Variants in FLT1 observed in about 807,000 individuals in gnomAD.
The protein encoded by FLT1 is vascular endothelial growth factor receptor 1.
Under a neutral mutation model 156.3 loss-of-function variants are expected in FLT1, and 49 were observed. The ratio of observed to expected loss-of-function variants is 0.31; its 90% CI spans 0.25 to 0.40. The LOEUF is 0.40. Ranked by LOEUF, FLT1 falls within the 10% of genes least tolerant of loss-of-function variation. The pLI, the probability that FLT1 is intolerant of heterozygous loss-of-function variation, is 1.00. For missense variants in FLT1, 1,322 were observed against 1,637.2 expected (o/e 0.81, Z 3.32); for synonymous variants, 594 against 583.8 (o/e 1.02, Z -0.25).
intron 13 of FLT1, chr13:28,387,933 C>G (rs1874466801): frequency 1.0e-5 from 11 of 1,061,290 alleles, no homozygotes; most frequent in Non-Finnish European, 1.3e-5. Context: ...TAACATCCTC[C>G]CCTCCCCACA....
At chr13:28,306,854 C>A (rs1228407627) in intron 28 of FLT1, 82 bp from the exon 29 acceptor site, 1 of 882,206 alleles carries the variant, frequency 1.1e-6, no homozygotes, top group African/African-American at 1.6e-5. Flanking sequence ...TCCTGGGATA[C>A]ATCTGTTGAT....
chr13:28,318,518 G>T (rs1294833387), intron 24 of FLT1, among the ~76,000 whole-genome samples: 1 of 152,154 alleles, frequency 6.6e-6, no homozygotes, highest in Admixed American at 6.5e-5. Flanking sequence ...TTGTTTGTGT[G>T]CATTTTCTAG....
intron 13 of FLT1, chr13:28,386,065 C>T: frequency 9.5e-7 from 1 of 1,054,528 alleles, no homozygotes; most frequent in Non-Finnish European, 1.1e-6. Context: ...GACACGTTCT[C>T]TGTCACTGTC....
At chr13:28,465,839 A>AATAC (rs1879817975) in intron 3 of FLT1, among the ~76,000 whole-genome samples, 1 of 151,906 alleles carries the variant, frequency 6.6e-6, no homozygotes, top group Non-Finnish European at 1.5e-5. Context: ...CCATCTCAAA[A>AATAC]AAACAAACAA....
chr13:28,410,478 T>C (rs199671822), intron 10 of FLT1, among the ~76,000 whole-genome samples: 1 of 152,260 alleles, frequency 6.6e-6, no homozygotes, highest in Non-Finnish European at 1.5e-5. Context: ...CAATCCAGTA[T>C]AAAATTCTCA....
chr13:28,388,985 A>C (rs1874535720), intron 13 of FLT1: 2 of 1,065,120 alleles, frequency 1.9e-6, no homozygotes, highest in Non-Finnish European at 1.1e-6. Flanking sequence ...CACTAACTGC[A>C]TAATTACCTG....
chr13:28,357,238 C>G (rs1872929326), intron 15 of FLT1, among the ~76,000 whole-genome samples: 1 of 152,062 alleles, frequency 6.6e-6, no homozygotes, highest in South Asian at 2.1e-4. Flanking sequence ...CAGGTGTGGA[C>G]TACTCTGGCC....
At chr13:28,412,330 TTTTCTTTCTTTCTTTCTTTC>T (rs1555236468) in intron 10 of FLT1, among the ~76,000 whole-genome samples, 1 of 92,556 alleles carries the variant, frequency 1.1e-5, no homozygotes. Flanking sequence ...TCTTTCTTTC[TTTTCTTTCTTTCTTTCTTTC>T]TCTTTCTTTC....
chr13:28,479,875 AC>A (rs1209994320), intron 1 of FLT1, among the ~76,000 whole-genome samples: 4 of 152,358 alleles, frequency 2.6e-5, no homozygotes, highest in African/African-American at 9.6e-5. Flanking sequence ...AAGAAAAACA[AC>A]AATTTCTGTT....
At chr13:28,493,895 G>GT (rs2137681405) in intron 1 of FLT1, among the ~76,000 whole-genome samples, 1 of 152,346 alleles carries the variant, frequency 6.6e-6, no homozygotes, top group South Asian at 2.1e-4. Flanking sequence ...AAACCACATC[G>GT]TTTGGTCAAA....
At chr13:28,376,416 A>T (rs1873841801) in intron 14 of FLT1, among the ~76,000 whole-genome samples, 1 of 152,226 alleles carries the variant, frequency 6.6e-6, no homozygotes, top group African/African-American at 2.4e-5. Context: ...CTATCATAAA[A>T]ATTTAGCTTA....
Position 28,322,985 on chromosome 13 carries a change from T to G in FLT1, c.2797-39A>C. On this transcript the variant is annotated intron_variant, in intron 20 of 29. Coordinates refer to ENST00000282397, the MANE Select transcript of FLT1 (RefSeq NM_002019.4). This position sits in a 1 kb window ranked among gnomAD's most constrained non-coding sequence, Gnocchi z 4.3. ...GAAAAGGACCCAGGTGAAAAGGAGCTCCAGCACAGCAGTGGGAAACCAGTC... is the reference window on the plus strand; with the variant it reads ...GAAAAGGACCCAGGTGAAAAGGAGCGCCAGCACAGCAGTGGGAAACCAGTC... The G allele has an allele frequency of 6.2e-7, 1 of 1,611,184 alleles. No individual in the cohort carries two copies.
intron 1 of FLT1, among the ~76,000 whole-genome samples, chr13:28,476,860 A>G (rs1031001327): frequency 1.3e-5 from 2 of 152,202 alleles, no homozygotes; most frequent in African/African-American, 4.8e-5. Context: ...GCTGTCTTAC[A>G]ATTCATATTT....
At chr13:28,416,678 A>G (rs1403627252) in intron 10 of FLT1, among the ~76,000 whole-genome samples, 2 of 152,240 alleles carry the variant, frequency 1.3e-5, no homozygotes, top group Non-Finnish European at 2.9e-5. Flanking sequence ...ACTTAGCTAT[A>G]AAGAAAATAA....
intron 3 of FLT1, among the ~76,000 whole-genome samples, chr13:28,459,888 C>T (rs1593817385): frequency 6.6e-6 from 1 of 152,252 alleles, no homozygotes; most frequent in Non-Finnish European, 1.5e-5. Context: ...GCGTGAACAC[C>T]TTCTTTCGGT....
Position 28,434,080 on chromosome 13 carries a change from T to G in FLT1, c.654A>C (p.Thr218=). Residue 218 remains threonine (T), a synonymous_variant, in exon 5 of 30, where the codon ACA becomes ACC. Coordinates refer to ENST00000282397, the MANE Select transcript of FLT1 (RefSeq NM_002019.4). ...EATVNGHLYK[T]NYLTHRQTNT... ...TACTTTGTCGATGTGTGAGATAGTT[T>G]GTCTTATACAAATGCCCATTGACTG... 6.2e-7 allele frequency: 1 copy of G among 1,614,216 alleles called. No homozygotes were observed. Among genetic ancestry groups the G allele is most frequent in the Non-Finnish European group, 8.5e-7 (1 of 1,180,028 alleles).
intron 29 of FLT1, among the ~76,000 whole-genome samples, chr13:28,304,766 C>A (rs375098865): frequency 5.4e-4 from 82 of 152,252 alleles, no homozygotes; most frequent in African/African-American, 1.9e-3. Context: ...CTGGGCATTT[C>A]ATGTAAAAGG....
At chr13:28,426,781 T>A (rs531031990) in intron 10 of FLT1, among the ~76,000 whole-genome samples, 1 of 152,018 alleles carries the variant, frequency 6.6e-6, no homozygotes, top group African/African-American at 2.4e-5. Context: ...AACCAAAGAA[T>A]ACAAAATGAA....
chr13:28,454,890 A>G (rs1879173990), intron 3 of FLT1, among the ~76,000 whole-genome samples: 1 of 152,146 alleles, frequency 6.6e-6, no homozygotes, highest in African/African-American at 2.4e-5. Flanking sequence ...AAAACACAAT[A>G]CCATTTGCAT....
Sources: allele counts gnomAD v4.1 joint callset (sites outside exome capture counted in the v4.1 genomes callset), GRCh38; gene constraint gnomAD v4.1.1; non-coding constraint Gnocchi (gnomAD v3.1); transcripts MANE v1.5; gene names NCBI Gene and HGNC (gene_info 2026-07-23, HGNC 2026-07-21).